EPB41L5: variants seen among roughly 807,000 people sequenced by gnomAD.
EPB41L5 encodes the protein erythrocyte membrane protein band 4.1 like 5.
A neutral mutation model predicts 106.6 loss-of-function variants in EPB41L5; 55 were observed. The ratio of observed to expected loss-of-function variants is 0.52; its 90% CI spans 0.42 to 0.65. The LOEUF (loss-of-function observed/expected upper bound fraction) is 0.65, where lower values mean the gene tolerates loss of function less well. Ranked by LOEUF, EPB41L5 falls within the 30% of genes least tolerant of loss-of-function variation. The probability of loss-of-function intolerance (pLI) is 0.00; values close to 1 mark genes in which losing one functional copy is unlikely to be tolerated. For synonymous variants in EPB41L5, 297 were observed against 306.7 expected (o/e 0.97, Z 0.33); for missense variants, 871 against 882.1 (o/e 0.99, Z 0.16).
intron 3 of EPB41L5, among the ~76,000 whole-genome samples, chr2:120,052,234 G>T (rs374061288): frequency 1.3e-5 from 2 of 152,256 alleles, no homozygotes; most frequent in East Asian, 1.9e-4. Flanking sequence ...GAAGATACAG[G>T]ACAGTTATTT....
chr2:120,074,575 AT>A, intron 5 of EPB41L5, among the ~76,000 whole-genome samples: 1 of 152,308 alleles, frequency 6.6e-6, no homozygotes, highest in South Asian at 2.1e-4. Context: ...TTGAAATGCC[AT>A]TGATTAATGA....
chr2:120,055,510 AC>A (rs1680589290), intron 3 of EPB41L5, among the ~76,000 whole-genome samples: 1 of 105,954 alleles, frequency 9.4e-6, no homozygotes, highest in Non-Finnish European at 1.8e-5. Context: ...TTTTTTTGAG[AC>A]AGAGTCTTGC....
intron 2 of EPB41L5, among the ~76,000 whole-genome samples, chr2:120,041,077 G>C (rs780686740): frequency 1.3e-5 from 2 of 152,040 alleles, no homozygotes; most frequent in Non-Finnish European, 2.9e-5. Context: ...TTTATTAACT[G>C]ATTAATCAAT....
At chr2:120,108,227 A>G (rs1305190745) in intron 16 of EPB41L5, 1 of 152,004 alleles carries the variant, frequency 6.6e-6, no homozygotes, top group Non-Finnish European at 1.5e-5. Context: ...TTGTGTTTAT[A>G]TTGGCATGGA....
rs1184771465 is a variant in EPB41L5 at position 120,143,096 on chromosome 2, A to AGGAGTCT, written c.1693_1694insGGAGTCT (p.Asn565ArgfsTer14). On this transcript the variant is annotated frameshift_variant, in exon 19 of 25. Transcript: ENST00000263713. LOFTEE classifies it high-confidence loss of function. Reference sequence around the variant, plus strand: ...GAGAGTTCCTCCTGACTTCAAGAGTAACATTTTGAAGGCTCAAGTAGAAGC... The same window carrying AGGAGTCT: ...GAGAGTTCCTCCTGACTTCAAGAGTAGGAGTCTACATTTTGAAGGCTCAAGTAGAAGC... The AGGAGTCT allele has an allele frequency of 6.2e-7, 1 of 1,607,856 alleles. No homozygotes were observed. The highest frequency in any genetic ancestry group is 1.3e-5 in the African/African-American group (1 of 74,404).
At chr2:120,165,247 G>A (rs1687339879) in intron 22 of EPB41L5, among the ~76,000 whole-genome samples, 3 of 152,096 alleles carry the variant, frequency 2.0e-5, no homozygotes, top group Non-Finnish European at 2.9e-5. Context: ...CGTAAGAATG[G>A]CATTGAACAT....
intron 22 of EPB41L5, among the ~76,000 whole-genome samples, chr2:120,166,705 G>A (rs1687427834): frequency 6.6e-6 from 1 of 152,228 alleles, no homozygotes; most frequent in Admixed American, 6.5e-5. Flanking sequence ...CAAAATGCTG[G>A]GGTTACAGGC....
At chr2:120,072,771 C>T (rs1048826409) in intron 3 of EPB41L5, among the ~76,000 whole-genome samples, 30 of 151,868 alleles carry the variant, frequency 2.0e-4, no homozygotes, top group Admixed American at 3.3e-4. Context: ...CACATACTGG[C>T]GCCTGTTGGG....
intron 3 of EPB41L5, among the ~76,000 whole-genome samples, chr2:120,069,683 A>G (rs1681722202): frequency 6.6e-6 from 1 of 152,202 alleles, no homozygotes; most frequent in Non-Finnish European, 1.5e-5. Context: ...TAGCACAACT[A>G]CATGGGAACT....
At chr2:120,145,694 C>G (rs917051510) in intron 19 of EPB41L5, among the ~76,000 whole-genome samples, 1 of 152,144 alleles carries the variant, frequency 6.6e-6, no homozygotes, top group African/African-American at 2.4e-5. Context: ...CCTGTAATCC[C>G]ACCACCTTGG....
chr2:120,167,359 A>C, intron 22 of EPB41L5, 107 bp from the exon 23 acceptor site: 1 of 922,316 alleles, frequency 1.1e-6, no homozygotes, highest in Non-Finnish European at 1.7e-6. Flanking sequence ...AGAATTAAGA[A>C]TTGCCCTCCT....
intron 14 of EPB41L5, among the ~76,000 whole-genome samples, chr2:120,093,582 C>T (rs1446443717): frequency 6.6e-6 from 1 of 152,174 alleles, no homozygotes; most frequent in Non-Finnish European, 1.5e-5. Context: ...ATAAGAAGCA[C>T]AAAGGAGAAA....
rs77708306 is a variant in EPB41L5 at position 120,116,528 on chromosome 2, G to T, written c.1338-11160G>T. ...TTTCTTAAAAGTAATGATGAATGGCGTTTTGTTTTTTGAGATAGGGTCTTG... is the reference window on the plus strand; with the variant it reads ...TTTCTTAAAAGTAATGATGAATGGCTTTTTGTTTTTTGAGATAGGGTCTTG... On this transcript the variant is annotated intron_variant, in intron 16 of 24. Transcript: ENST00000263713. Among the ~76,000 whole-genome samples, 1,471 of 151,910 alleles carry T rather than the reference G, an allele frequency of 9.7e-3. 25 individuals carry two copies. Among genetic ancestry groups the T allele is most frequent in the African/African-American group, 0.033 (1,362 of 41,434 alleles).
At chr2:120,031,919 T>G (rs1442752242) in intron 2 of EPB41L5, among the ~76,000 whole-genome samples, 1 of 152,090 alleles carries the variant, frequency 6.6e-6, no homozygotes, top group Admixed American at 6.6e-5. Context: ...GAGGATTGCT[T>G]GAGGCCAGGA....
chr2:120,117,276 T>G (rs748407344), intron 16 of EPB41L5, among the ~76,000 whole-genome samples: 1 of 152,186 alleles, frequency 6.6e-6, no homozygotes, highest in Non-Finnish European at 1.5e-5. Flanking sequence ...TTGGTTAATA[T>G]GTGCTAAACA....
chr2:120,103,792 T>G (rs146059279), intron 16 of EPB41L5, among the ~76,000 whole-genome samples: 1 of 152,358 alleles, frequency 6.6e-6, no homozygotes, highest in East Asian at 1.9e-4. Flanking sequence ...TCTTGCTTTC[T>G]GAGAAATTTC....
chr2:120,034,737 C>T (rs1678934700), intron 2 of EPB41L5, among the ~76,000 whole-genome samples: 1 of 151,936 alleles, frequency 6.6e-6, no homozygotes, highest in South Asian at 2.1e-4. Context: ...TCATGGTGCA[C>T]ACCTGTAGTC....
intron 3 of EPB41L5, among the ~76,000 whole-genome samples, chr2:120,042,994 A>AGTGT (rs1558818476): frequency 1.4e-5 from 1 of 71,120 alleles, no homozygotes; most frequent in African/African-American, 5.8e-5. Context: ...TTTTTCTGGA[A>AGTGT]ATGTGTGTGT....
intron 20 of EPB41L5, among the ~76,000 whole-genome samples, chr2:120,156,196 C>T (rs1686893475): frequency 2.0e-5 from 3 of 152,160 alleles, no homozygotes; most frequent in Non-Finnish European, 4.4e-5. Context: ...GGTAGGGCTG[C>T]TCTGAACTGA....
Sources: gnomAD v4.1 joint callset for allele counts (sites outside exome capture counted in the v4.1 genomes callset) on GRCh38, gnomAD v4.1.1 for gene constraint, MANE v1.5 for transcripts, NCBI Gene and HGNC (gene_info 2026-07-23, HGNC 2026-07-21) for gene names.